The following ACSL3 variants were observed in gnomAD, a reference collection of about 807,000 sequenced individuals.
ACSL3 encodes acyl-CoA synthetase long chain family member 3.
A neutral mutation model predicts 84.7 loss-of-function variants in ACSL3; 34 were observed. The observed-to-expected ratio is 0.40, with a 90% confidence interval of 0.31 to 0.53. The LOEUF (loss-of-function observed/expected upper bound fraction) is 0.53. Ranked by LOEUF, ACSL3 falls within the 20% of genes least tolerant of loss-of-function variation. The pLI, the probability that ACSL3 is intolerant of heterozygous loss-of-function variation, is 0.48. For missense variants in ACSL3, 680 were observed against 873.1 expected (o/e 0.78, Z 2.79); for synonymous variants, 315 against 299.4 (o/e 1.05, Z -0.54).
In ACSL3 at chr2:222,929,764, C is replaced by T. The variant is rs185843199; in HGVS notation, c.1540+828C>T. Among the ~76,000 whole-genome samples the T allele has an allele frequency of 1.3e-3, 198 of 151,452 alleles. 1 individual carries two copies. Among genetic ancestry groups the T allele is most frequent in the Non-Finnish European group, 2.3e-3 (159 of 67,832 alleles). ...CTGCACTCTAGCCTGGGTGACAGAG[C>T]GAAACTCTCATCTCCAAAATAAATA... On this transcript the variant is annotated intron_variant, in intron 13 of 16. Transcript: ENST00000357430.
intron 14 of ACSL3, among the ~76,000 whole-genome samples, chr2:222,931,176 A>G (rs1170642883): frequency 6.6e-6 from 1 of 152,146 alleles, no homozygotes; most frequent in Non-Finnish European, 1.5e-5. Context: ...CAGCTCAAGT[A>G]CTATGACTCA....
chr2:222,899,613 A>C (rs1268280082), intron 2 of ACSL3, among the ~76,000 whole-genome samples: 1 of 152,228 alleles, frequency 6.6e-6, no homozygotes, highest in African/African-American at 2.4e-5. Context: ...AAATAGAGGC[A>C]AGTTTATTAA....
At chr2:222,880,244 A>T (rs957549864) in intron 1 of ACSL3, among the ~76,000 whole-genome samples, 5 of 152,238 alleles carry the variant, frequency 3.3e-5, no homozygotes, top group African/African-American at 1.2e-4. Context: ...TCACATAAGC[A>T]TACAAAACAA....
At chr2:222,901,647 T>C (rs1249388143) in intron 3 of ACSL3, among the ~76,000 whole-genome samples, 1 of 152,098 alleles carries the variant, frequency 6.6e-6, no homozygotes, top group African/African-American at 2.4e-5. Context: ...GAACTAGTTA[T>C]TTAGGTCCAA....
chr2:222,862,454 AC>A, intron 1 of ACSL3, among the ~76,000 whole-genome samples: 1 of 152,106 alleles, frequency 6.6e-6, no homozygotes, highest in East Asian at 1.9e-4. Context: ...GTTTGATGAT[AC>A]CTTCTTTCAT....
intron 1 of ACSL3, among the ~76,000 whole-genome samples, chr2:222,883,768 T>C (rs1695653630): frequency 6.6e-6 from 1 of 152,214 alleles, no homozygotes; most frequent in African/African-American, 2.4e-5. Context: ...AACACCTTAT[T>C]TTTTAAAATG....
intron 11 of ACSL3, 142 bp from the exon 12 acceptor site, chr2:222,926,875 G>A: frequency 2.5e-6 from 2 of 798,250 alleles, no homozygotes; most frequent in Non-Finnish European, 3.8e-6. Context: ...GGGCTCAAGA[G>A]ACTCTCCAAA....
chr2:222,904,049 C>T (rs1220495092), intron 3 of ACSL3, among the ~76,000 whole-genome samples: 2 of 152,032 alleles, frequency 1.3e-5, no homozygotes, highest in Admixed American at 6.5e-5. Flanking sequence ...CCGAGGCGGG[C>T]GGATCACCTG....
intron 8 of ACSL3, among the ~76,000 whole-genome samples, chr2:222,922,213 A>C (rs937525664): frequency 6.6e-6 from 1 of 152,166 alleles, no homozygotes; most frequent in Non-Finnish European, 1.5e-5. Flanking sequence ...TTATTATGTA[A>C]TCCAATTCCC....
chr2:222,898,803 G>C (rs908917990), intron 2 of ACSL3, among the ~76,000 whole-genome samples: 5 of 152,064 alleles, frequency 3.3e-5, no homozygotes, highest in African/African-American at 1.2e-4. Flanking sequence ...CTCCAGCCTG[G>C]GCAAAAGAGT....
intron 11 of ACSL3, 129 bp from the exon 12 acceptor site, chr2:222,926,888 G>T: frequency 1.1e-6 from 1 of 926,330 alleles, no homozygotes; most frequent in Non-Finnish European, 1.6e-6. Context: ...TCTCCAAATT[G>T]GCTGTGTGAC....
In ACSL3 at chr2:222,942,529, T is replaced by C; in HGVS notation, c.*875T>C. 1 of 195,176 alleles carries C rather than the reference T, an allele frequency of 5.1e-6. No individual in the cohort carries two copies. The highest frequency in any genetic ancestry group is 1.1e-5 in the Non-Finnish European group (1 of 93,888). 12.1% of individuals were successfully genotyped at this position (195,176 alleles called of 1,614,324 possible). On this transcript the variant is annotated 3_prime_UTR_variant, in exon 17 of 17. Coordinates refer to ENST00000357430, the MANE Select transcript of ACSL3 (RefSeq NM_004457.5). ...AACAAGAGTATATAAAGTTATTCTT[T>C]GAATATTTCGTTGACTATATGTACA...
chr2:222,940,383 G>A (rs1559306992), intron 16 of ACSL3, among the ~76,000 whole-genome samples: 2 of 152,064 alleles, frequency 1.3e-5, no homozygotes, highest in Non-Finnish European at 2.9e-5. Flanking sequence ...CTGGATACCA[G>A]GCTCTAGAGG....
rs1277295977 is a variant in ACSL3, at chr2:222,903,712, AC to A, written c.-41+2933del. ...CTGAAATAGTCTTCCAGTTTGCCCAACATGCTTGCTCTCCTGACTAGATATT... is the reference window on the plus strand; with the variant it reads ...CTGAAATAGTCTTCCAGTTTGCCCAAATGCTTGCTCTCCTGACTAGATATT... On this transcript the variant is annotated intron_variant, in intron 3 of 16. Transcript: ENST00000357430. 5.3e-5 allele frequency among the ~76,000 whole-genome samples: 8 copies of A among 152,348 alleles called. No homozygotes were observed. The East Asian group carries it at 1.5e-3, about 29-fold the overall frequency.
chr2:222,888,944 T>A (rs1036752725), intron 2 of ACSL3, among the ~76,000 whole-genome samples: 3 of 152,208 alleles, frequency 2.0e-5, no homozygotes, highest in African/African-American at 7.2e-5. Flanking sequence ...TAAGAGTGCT[T>A]TTGAAGTGAC....
rs1222550519 is a variant in ACSL3 at position 222,897,887 on chromosome 2, G to A, written c.-147-2787G>A. ...GATCGCAGCAGTACAGTCCAGCTTC[G>A]GCTCGGCATCAGAGGGAGACCGTGG... On this transcript the variant is annotated intron_variant, in intron 2 of 16. Coordinates refer to ENST00000357430, the MANE Select transcript of ACSL3 (RefSeq NM_004457.5). Among the ~76,000 whole-genome samples the A allele has an allele frequency of 0.022, 108 of 4,830 alleles. 50 individuals are homozygous for A. The African/African-American group carries it at 0.28, about 12-fold the overall frequency. 3.2% of individuals were successfully genotyped at this position (4,830 alleles called of 152,430 possible).
intron 1 of ACSL3, among the ~76,000 whole-genome samples, chr2:222,869,637 G>A (rs925080816): frequency 6.6e-6 from 1 of 152,250 alleles, no homozygotes; most frequent in Non-Finnish European, 1.5e-5. Context: ...GAGAGGTCAT[G>A]TTTTGCCACA....
intron 2 of ACSL3, among the ~76,000 whole-genome samples, chr2:222,892,441 G>C (rs945859366): frequency 6.6e-6 from 1 of 152,002 alleles, no homozygotes; most frequent in Non-Finnish European, 1.5e-5. Flanking sequence ...ACTCTTTCCC[G>C]ATAGTAAATA....
In ACSL3 at chr2:222,927,060, C is replaced by T. The variant is rs776595209; in HGVS notation, c.1336C>T (p.Arg446Cys). 1 of 1,613,746 alleles carries T rather than the reference C, an allele frequency of 6.2e-7. No individual in the cohort carries two copies. Residue 446 changes from arginine to cysteine, a missense_variant, in exon 12 of 17, where the codon CGT (arginine) becomes TGT (cysteine). Coordinates refer to ENST00000357430, the MANE Select transcript of ACSL3 (RefSeq NM_004457.5). ...KVRSLLGGNIRLLLCGGAPLS... is the reference protein window; with the variant it reads ...KVRSLLGGNICLLLCGGAPLS... ...TCGAAGCTTGCTAGGGGGAAATATTCGTCTCCTGTTGTGTGGTGGCGCTCC... is the reference window on the plus strand; with the variant it reads ...TCGAAGCTTGCTAGGGGGAAATATTTGTCTCCTGTTGTGTGGTGGCGCTCC...
Sources: allele counts gnomAD v4.1 joint callset (sites outside exome capture counted in the v4.1 genomes callset), GRCh38; gene constraint gnomAD v4.1.1; transcripts MANE v1.5; gene names NCBI Gene and HGNC (gene_info 2026-07-23, HGNC 2026-07-21).